The following TMEM232 variants were observed in gnomAD, a reference collection of about 807,000 sequenced individuals.
TMEM232 encodes transmembrane protein 232.
A neutral mutation model predicts 78.8 loss-of-function variants in TMEM232; 80 were observed. That is an observed-to-expected ratio of 1.01 (90% CI 0.85 to 1.22). TMEM232 has a LOEUF of 1.22. TMEM232 is among the 50% of genes most tolerant of loss of function. TMEM232 has a pLI of 0.00. For missense variants in TMEM232, 881 were observed against 742.2 expected, an observed-to-expected ratio of 1.19 and a Z score of -2.17; for synonymous variants, 297 against 254.3, an observed-to-expected ratio of 1.17 and a Z score of -1.60.
Position 110,528,670 on chromosome 5 carries a change from GT to G in TMEM232, c.1620del (p.Lys540AsnfsTer4). The G allele has an allele frequency of 6.5e-7, 1 of 1,534,884 alleles. No individual in the cohort carries two copies. The highest frequency in any genetic ancestry group is 2.0e-5 in the Admixed American group (1 of 50,922). Reference sequence around the variant, plus strand: ...TTTGTTTGATCCTTTTTTATTGATGGTTTCTTCAAAGGAAGAAAATGGGCCT... The same window carrying G: ...TTTGTTTGATCCTTTTTTATTGATGGTTCTTCAAAGGAAGAAAATGGGCCT... ...PIEAHFLPLK[K>X]PSIKKDQTKY... On this transcript the variant is annotated frameshift_variant, in exon 12 of 14. Coordinates refer to ENST00000455884, the MANE Select transcript of TMEM232 (RefSeq NM_001039763.4). LOFTEE classifies it high-confidence loss of function.
intron 12 of TMEM232, among the ~76,000 whole-genome samples, chr5:110,468,609 T>C (rs923369937): frequency 1.3e-5 from 2 of 152,108 alleles, no homozygotes; most frequent in African/African-American, 4.8e-5. Context: ...AACCACAATA[T>C]GTCATGATTA....
intron 11 of TMEM232, among the ~76,000 whole-genome samples, chr5:110,551,294 G>A (rs1291951707): frequency 6.6e-6 from 1 of 152,136 alleles, no homozygotes; most frequent in Non-Finnish European, 1.5e-5. Flanking sequence ...CCCAATCTTG[G>A]CTCACTGCAA....
chr5:110,633,444 G>A (rs901445478), intron 5 of TMEM232, among the ~76,000 whole-genome samples: 1 of 152,114 alleles, frequency 6.6e-6, no homozygotes, highest in South Asian at 2.1e-4. Context: ...GTTTGGCTCT[G>A]TGTTCCTACC....
chr5:110,656,235 T>C (rs1159790632), intron 2 of TMEM232, among the ~76,000 whole-genome samples: 4 of 152,170 alleles, frequency 2.6e-5, no homozygotes, highest in African/African-American at 9.7e-5. Flanking sequence ...GATTTACTGA[T>C]GTAAATCTAC....
At chr5:110,672,861 T>A (rs1791540834) in intron 1 of TMEM232, among the ~76,000 whole-genome samples, 1 of 152,156 alleles carries the variant, frequency 6.6e-6, no homozygotes, top group African/African-American at 2.4e-5. Flanking sequence ...GCATGTACAA[T>A]AAGACCACAT....
chr5:110,693,724 T>C (rs906410861), intron 1 of TMEM232, among the ~76,000 whole-genome samples: 5 of 151,640 alleles, frequency 3.3e-5, no homozygotes, highest in African/African-American at 1.2e-4. Context: ...ATGAAATGAA[T>C]GAAATGAAGC....
At position 110,657,826 on chromosome 5, in the gene TMEM232, C is replaced by T. The variant is rs548691534; in HGVS notation, c.125+9402G>A. On this transcript the variant is annotated intron_variant, in intron 2 of 13. Coordinates refer to ENST00000455884, the MANE Select transcript of TMEM232 (RefSeq NM_001039763.4). Reference sequence around the variant, plus strand: ...AAACAGCAGTTTCATTAGAGAAAAACAGAACCCAGATTTTAGGGTGCTAAT... The same window carrying T: ...AAACAGCAGTTTCATTAGAGAAAAATAGAACCCAGATTTTAGGGTGCTAAT... Among the ~76,000 whole-genome samples, 104 of 152,114 alleles carry T rather than the reference C, an allele frequency of 6.8e-4. 3 individuals are homozygous for T. The South Asian group carries it at 0.01, about 15-fold the overall frequency.
At chr5:110,728,677 A>G (rs531944913), upstream of TMEM232, among the ~76,000 whole-genome samples, 204 of 151,024 alleles carry the variant, frequency 1.4e-3, 1 homozygote, top group African/African-American at 4.8e-3. Flanking sequence ...AGTTTTGACA[A>G]GACAAATCTA....
At chr5:110,475,249 T>G (rs955814455) in intron 12 of TMEM232, among the ~76,000 whole-genome samples, 2 of 151,538 alleles carry the variant, frequency 1.3e-5, no homozygotes, top group Non-Finnish European at 2.9e-5. Context: ...AAAGCCTGTA[T>G]TTTTTTTCTG....
intron 12 of TMEM232, among the ~76,000 whole-genome samples, chr5:110,470,669 T>C (rs1296701476): frequency 6.6e-6 from 1 of 152,186 alleles, no homozygotes; most frequent in African/African-American, 2.4e-5. Context: ...CTGATGTTGA[T>C]TGCAACTTAG....
intron 2 of TMEM232, 24 bp downstream of exon 2, chr5:110,667,204 T>C: frequency 6.6e-7 from 1 of 1,521,074 alleles, no homozygotes; most frequent in South Asian, 1.2e-5. Context: ...TACATATGGG[T>C]CCTATAATTA....
chr5:110,658,232 T>C (rs1213810371), intron 2 of TMEM232, among the ~76,000 whole-genome samples: 3 of 152,192 alleles, frequency 2.0e-5, no homozygotes, highest in Non-Finnish European at 4.4e-5. Context: ...ACCCGTGTGA[T>C]TGATTACAGC....
chr5:110,640,011 C>A (rs975784529), intron 4 of TMEM232, among the ~76,000 whole-genome samples: 4 of 152,232 alleles, frequency 2.6e-5, no homozygotes, highest in Non-Finnish European at 5.9e-5. Flanking sequence ...TTTAGACCAT[C>A]CATGATTCAC....
rs184009215 is a variant in TMEM232, at chr5:110,422,492, C to G, written c.1798-1736G>C. On this transcript the variant is annotated intron_variant, in intron 13 of 13. Transcript: ENST00000455884. Reference sequence around the variant, plus strand: ...CCAAGGTCACACCACTGCACTCCAGCCTGGGCCACAGAGCGAGACTCTGTC... The same window carrying G: ...CCAAGGTCACACCACTGCACTCCAGGCTGGGCCACAGAGCGAGACTCTGTC... Among the ~76,000 whole-genome samples, 266 of 132,240 alleles carry G rather than the reference C, an allele frequency of 2.0e-3. 1 individual carries two copies. Among genetic ancestry groups the G allele is most frequent in the African/African-American group, 7.7e-3 (252 of 32,780 alleles). The allele number at this position is 132,240 out of a possible 152,430, so 86.8% of individuals were successfully genotyped here. A position where few individuals can be genotyped will look rare whatever the true frequency, so the allele number is the denominator to read the frequency against.
intron 12 of TMEM232, among the ~76,000 whole-genome samples, chr5:110,438,457 AT>A (rs978520955): frequency 4.0e-5 from 6 of 151,318 alleles, no homozygotes; most frequent in Non-Finnish European, 7.4e-5. Flanking sequence ...ACAAATTGTG[AT>A]GCTTTTTTTC....
chr5:110,501,755 T>A (rs1766287839), intron 12 of TMEM232, among the ~76,000 whole-genome samples: 1 of 152,144 alleles, frequency 6.6e-6, no homozygotes, highest in Non-Finnish European at 1.5e-5. Context: ...AAATAACCCC[T>A]AAGACATTTT....
intron 12 of TMEM232, among the ~76,000 whole-genome samples, chr5:110,514,608 GA>G (rs1163399975): frequency 2.6e-5 from 4 of 151,444 alleles, no homozygotes; most frequent in East Asian, 1.9e-4. Context: ...AAATCAATCA[GA>G]AAAAAAACCT....
chr5:110,633,932 A>G (rs1267709490), intron 5 of TMEM232, among the ~76,000 whole-genome samples: 2 of 152,186 alleles, frequency 1.3e-5, no homozygotes, highest in Non-Finnish European at 2.9e-5. Context: ...AACATAATCT[A>G]ATTGTATGCT....
At chr5:110,551,927 A>C (rs937581473) in intron 11 of TMEM232, among the ~76,000 whole-genome samples, 4 of 152,098 alleles carry the variant, frequency 2.6e-5, no homozygotes, top group Admixed American at 6.5e-5. Context: ...TTTTTCAGCA[A>C]ACCAAAAATA....
Sources: allele counts gnomAD v4.1 joint callset (sites outside exome capture counted in the v4.1 genomes callset), GRCh38; gene constraint gnomAD v4.1.1; transcripts MANE v1.5; gene names NCBI Gene and HGNC (gene_info 2026-07-23, HGNC 2026-07-21).